The following PKD2L1 variants were observed in gnomAD, a reference collection of about 807,000 sequenced individuals.
The protein encoded by PKD2L1 is polycystin-2-like protein 1.
A neutral mutation model predicts 93.0 loss-of-function variants in PKD2L1; 77 were observed. The ratio of observed to expected loss-of-function variants is 0.83; its 90% CI spans 0.69 to 1.00. PKD2L1 has a LOEUF of 1.00. Ranked by LOEUF, PKD2L1 falls within the 50% of genes least tolerant of loss-of-function variation. The probability of loss-of-function intolerance (pLI) is 0.00; values close to 1 mark genes in which losing one functional copy is unlikely to be tolerated. For synonymous variants in PKD2L1, 390 were observed against 388.0 expected (o/e 1.01, Z -0.06); for missense variants, 977 against 990.9 (o/e 0.99, Z 0.19).
At chr10:100,305,546 A>C (rs1404802788) in intron 2 of PKD2L1, among the ~76,000 whole-genome samples, 2 of 152,222 alleles carry the variant, frequency 1.3e-5, no homozygotes, top group East Asian at 3.8e-4. Context: ...TCCTTAGTCC[A>C]AAGAGAACAA....
intron 2 of PKD2L1, among the ~76,000 whole-genome samples, chr10:100,318,920 A>C (rs1242568757): frequency 6.8e-6 from 1 of 147,368 alleles, no homozygotes; most frequent in Non-Finnish European, 1.5e-5. Flanking sequence ...ATCTCGGCTC[A>C]CTGCAACCTC....
chr10:100,329,744 C>T (rs1370305937), intron 1 of PKD2L1, 125 bp downstream of exon 1: 5 of 689,754 alleles, frequency 7.2e-6, no homozygotes, highest in African/African-American at 1.8e-5. Context: ...ATTCATACAC[C>T]CCAAAGTGAC....
chr10:100,297,248 G>T lies in PKD2L1; in HGVS notation c.957-40C>A, dbSNP rs2278839. On this transcript the variant is annotated intron_variant, in intron 5 of 15. Transcript: ENST00000318222. ...GGAGATGACCTCCAGTGGAGCCTTC[G>T]CTGGGACGGCTCCTCCCACTTCCTC... 0.011 allele frequency: 16,712 copies of T among 1,583,068 alleles called. 1,406 individuals are homozygous for T. The African/African-American group carries it at 0.19, about 18-fold the overall frequency.
chr10:100,317,151 C>T (rs936470337), intron 2 of PKD2L1, among the ~76,000 whole-genome samples: 1 of 152,096 alleles, frequency 6.6e-6, no homozygotes, highest in African/African-American at 2.4e-5. Context: ...TGTATTAACT[C>T]ATTCATTTGA....
At chr10:100,324,670 G>A (rs1486865793) in intron 2 of PKD2L1, among the ~76,000 whole-genome samples, 1 of 152,162 alleles carries the variant, frequency 6.6e-6, no homozygotes, top group African/African-American at 2.4e-5. Context: ...CTTTATGCAT[G>A]TTATCTCCAG....
intron 6 of PKD2L1, 104 bp from the exon 7 acceptor site, chr10:100,296,396 G>GA (rs1848540477): frequency 3.4e-6 from 3 of 879,156 alleles, no homozygotes; most frequent in South Asian, 4.1e-5. Context: ...AGACAGGTGG[G>GA]AAAAAAGCCA....
At chr10:100,304,197 G>A (rs1384455874) in intron 2 of PKD2L1, among the ~76,000 whole-genome samples, 1 of 152,070 alleles carries the variant, frequency 6.6e-6, no homozygotes, top group Non-Finnish European at 1.5e-5. Context: ...TCTAAATTTG[G>A]TTTAGTACCT....
At position 100,293,061 on chromosome 10, in the gene PKD2L1, G is replaced by C. The variant is rs1464613832; in HGVS notation, c.1767C>G (p.Asn589Lys). Residue 589 changes from asparagine to lysine, a missense_variant, in exon 11 of 16, where the codon AAC becomes AAG. Physicochemically the swap from Asn to Lys is moderately conservative, Grantham distance 94 (BLOSUM62 0). Transcript: ENST00000318222. ...TCAGACGCAGTCTTAGTAGGGTCTTGTTGTAGCCCTGAAAGGGAAAGGAAA... is the reference window on the plus strand; with the variant it reads ...TCAGACGCAGTCTTAGTAGGGTCTTCTTGTAGCCCTGAAAGGGAAAGGAAA... ...QLSDLLKQGYNKTLLRLRLRK... is the reference protein window; with the variant it reads ...QLSDLLKQGYKKTLLRLRLRK... The C allele has an allele frequency of 6.2e-6, 10 of 1,613,834 alleles. No individual in the cohort carries two copies. The highest frequency in any genetic ancestry group is 2.2e-5 in the East Asian group (1 of 44,894).
At chr10:100,303,955 TAAC>T (rs929936861) in intron 2 of PKD2L1, among the ~76,000 whole-genome samples, 336 of 152,314 alleles carry the variant, frequency 2.2e-3, no homozygotes, top group Non-Finnish European at 3.9e-3. Flanking sequence ...TTCGGAGAAT[TAAC>T]ATTGCTCGGA....
intron 2 of PKD2L1, among the ~76,000 whole-genome samples, chr10:100,306,259 G>A (rs1048867314): frequency 2.0e-5 from 3 of 152,208 alleles, no homozygotes; most frequent in Non-Finnish European, 4.4e-5. Flanking sequence ...GAGAACTGCT[G>A]CCTTGACCTG....
rs763555647 is a variant in PKD2L1 at position 100,290,125 on chromosome 10, C to A, written c.2140G>T (p.Val714Phe). 22 of 1,614,042 alleles carry A rather than the reference C, an allele frequency of 1.4e-5. 1 individual carries two copies. In the Admixed American group the frequency reaches 3.3e-4, roughly 24 times the overall value. ...TCCAGGACAGTCTCCAGCTGCAGAA[C>A]TCTCCTTGTGAGCCTGTGTGGGATT... ...GEEFYMLTRR[V>F]LQLETVLEGV... Residue 714 changes from valine (V) to phenylalanine (F), a missense_variant, in exon 14 of 16, where the codon GTT (valine) becomes TTT (phenylalanine). Transcript: ENST00000318222.
intron 2 of PKD2L1, among the ~76,000 whole-genome samples, chr10:100,312,332 C>T (rs1848952844): frequency 6.6e-6 from 1 of 152,166 alleles, no homozygotes; most frequent in Non-Finnish European, 1.5e-5. Flanking sequence ...GAACCTATGA[C>T]ACATGGCCAG....
intron 2 of PKD2L1, among the ~76,000 whole-genome samples, chr10:100,321,764 G>GAA (rs1849251197): frequency 7.2e-4 from 1 of 1,390 alleles, no homozygotes; most frequent in Non-Finnish European, 3.2e-3. Context: ...AGAAGGGAGG[G>GAA]AGGGAGGGAG....
At chr10:100,290,378 C>T (rs200622763) in intron 13 of PKD2L1, 23 bp downstream of exon 13, 35 of 1,514,468 alleles carry the variant, frequency 2.3e-5, no homozygotes, top group Admixed American at 3.3e-5. Context: ...AGCCCTGAAC[C>T]AGCCTTTCTT....
chr10:100,319,969 G>A (rs1418235781), intron 2 of PKD2L1, among the ~76,000 whole-genome samples: 2 of 152,234 alleles, frequency 1.3e-5, no homozygotes, highest in African/African-American at 4.8e-5. Flanking sequence ...AGGGCTGGAA[G>A]CCCTTTCATA....
At position 100,299,523 on chromosome 10, in the gene PKD2L1, G is replaced by A. The variant is rs555150273; in HGVS notation, c.477+68C>T. 23 of 1,415,652 alleles carry A rather than the reference G, an allele frequency of 1.6e-5. No homozygotes were observed. In the African/African-American group the frequency reaches 2.1e-4, roughly 13 times the overall value. 87.7% of individuals were successfully genotyped at this position (1,415,652 alleles called of 1,614,324 possible). The stretch of plus-strand genomic sequence containing the variant: ...GATTTCCCAGCATAAGGTCTGATCC[G>A]TTGTCTGACCTGTGGCCTCAGGCCA... On this transcript the variant is annotated intron_variant, in intron 3 of 15. Transcript: ENST00000318222.
chr10:100,293,611 T>C (rs772604448), intron 9 of PKD2L1, among the ~76,000 whole-genome samples: 14 of 152,134 alleles, frequency 9.2e-5, no homozygotes, highest in Non-Finnish European at 1.3e-4. Context: ...TCACTCTCAG[T>C]TGCTGTAGTA....
rs546553622 is a variant in PKD2L1 at position 100,306,099 on chromosome 10, G to T, written c.350-6381C>A. 9.9e-5 allele frequency among the ~76,000 whole-genome samples: 15 copies of T among 152,182 alleles called. No homozygotes were observed. In the South Asian group the frequency reaches 2.9e-3, roughly 29 times the overall value. On this transcript the variant is annotated intron_variant, in intron 2 of 15. Transcript: ENST00000318222. ...ACTCGGTGAGAGATGAGAGGTCAAG[G>T]CTGCAGTGAGCCAAGATCATCTCAA...
At chr10:100,321,675 G>T (rs1334882334) in intron 2 of PKD2L1, among the ~76,000 whole-genome samples, 1 of 590 alleles carries the variant, frequency 1.7e-3, no homozygotes, top group Admixed American at 0.022. Flanking sequence ...AAGAAAGAAA[G>T]AAAGAAAGAA....
Sources: gnomAD v4.1 joint callset for allele counts (sites outside exome capture counted in the v4.1 genomes callset) on GRCh38, gnomAD v4.1.1 for gene constraint, MANE v1.5 for transcripts, NCBI Gene and HGNC (gene_info 2026-07-23, HGNC 2026-07-21) for gene names.